FOXN4: variants seen among roughly 807,000 people sequenced by gnomAD.
FOXN4 encodes the protein forkhead box N4, also known as forkhead box protein N4.
In FOXN4, 12 loss-of-function variants were observed where a neutral mutation model predicts 45.0. That is an observed-to-expected ratio of 0.27 (90% confidence interval 0.17 to 0.43). FOXN4 has a LOEUF of 0.43. FOXN4 is among the 20% of genes least tolerant of loss of function. The pLI, the probability that FOXN4 is intolerant of heterozygous loss-of-function variation, is 1.00. For synonymous variants in FOXN4, 297 were observed against 295.0 expected (o/e 1.01, Z -0.07); for missense variants, 560 against 694.9 (o/e 0.81, Z 2.18).
intron 2 of FOXN4, among the ~76,000 whole-genome samples, chr12:109,306,400 G>A (rs1280799116): frequency 6.6e-6 from 1 of 152,162 alleles, no homozygotes; most frequent in Non-Finnish European, 1.5e-5. Context: ...CTCACTCTCT[G>A]ACTCCCCTAT....
At chr12:109,304,428 G>T (rs1225109333) in intron 2 of FOXN4, among the ~76,000 whole-genome samples, 1 of 152,200 alleles carries the variant, frequency 6.6e-6, no homozygotes, top group Admixed American at 6.5e-5. Flanking sequence ...GCACCTCTAA[G>T]GGTGGACTTT....
chr12:109,288,085 G>T lies in FOXN4; in HGVS notation c.328C>A (p.Leu110Met), dbSNP rs1267887286. The change falls in exon 4 of 10, where the codon CTG (leucine) becomes ATG (methionine). Residue 110 changes from leucine to methionine, a missense_variant. Transcript: ENST00000299162. The surrounding 1 kb of genome is among the most constrained non-coding windows in gnomAD (Gnocchi z 4.3). The stretch of plus-strand genomic sequence containing the variant: ...TCTCTGTGGCCAGTTATGGGGCCCA[G>T]ACCTGGCATGCCTCGGGGGGCCATG... ...AGMAPRGMPG[L>M]GPITGHRDSM... 1.3e-6 allele frequency: 2 copies of T among 1,548,972 alleles called. No individual in the cohort carries two copies. The highest frequency in any genetic ancestry group is 2.7e-5 in the African/African-American group (2 of 72,950).
chr12:109,308,666 C>G (rs1308475379), intron 1 of FOXN4, among the ~76,000 whole-genome samples: 1 of 152,096 alleles, frequency 6.6e-6, no homozygotes, highest in Non-Finnish European at 1.5e-5. Context: ...TCCTTCCAAG[C>G]CTTATATTTT....
At chr12:109,295,929 T>C (rs959433708) in intron 2 of FOXN4, among the ~76,000 whole-genome samples, 3 of 152,164 alleles carry the variant, frequency 2.0e-5, no homozygotes, top group Non-Finnish European at 2.9e-5. Flanking sequence ...TCAGGTTTGG[T>C]GGCATCTGAT....
At chr12:109,304,860 C>A (rs1204861851) in intron 2 of FOXN4, among the ~76,000 whole-genome samples, 2 of 152,178 alleles carry the variant, frequency 1.3e-5, no homozygotes, top group Admixed American at 1.3e-4. Context: ...AGTGGGAAGT[C>A]ACTGTGTAAT....
At chr12:109,296,082 G>A (rs73401962) in intron 2 of FOXN4, among the ~76,000 whole-genome samples, 3,033 of 152,248 alleles carry the variant, frequency 0.02, 96 homozygotes, top group African/African-American at 0.066. Context: ...CAGGGTCCCC[G>A]ATCTCCCATG....
In FOXN4 at chr12:109,287,809, C is replaced by A; in HGVS notation, c.468+35G>T. 6.6e-7 allele frequency: 1 copy of A among 1,514,890 alleles called. No individual in the cohort carries two copies. 93.8% of individuals were successfully genotyped at this position (1,514,890 alleles called of 1,614,324 possible). ...CGGCCAGCCCAAGGCAGGGTGTCTG[C>A]TGCTCAGTCCAGGGCTCCCCTGAGC... On this transcript the variant is annotated intron_variant, in intron 5 of 9. Transcript: ENST00000299162. This position sits in a 1 kb window ranked among gnomAD's most constrained non-coding sequence, Gnocchi z 4.1.
In FOXN4 at chr12:109,285,317, AC is replaced by A; in HGVS notation, c.887del (p.Ser296IlefsTer11). On this transcript the variant is annotated frameshift_variant, in exon 8 of 10. Coordinates refer to ENST00000299162, the MANE Select transcript of FOXN4 (RefSeq NM_213596.3). LOFTEE classifies it high-confidence loss of function. ...KRKDLAAIHRSMANPEELDKL... is the reference protein window; with the variant it reads ...KRKDLAAIHRXMANPEELDKL... ...TCCGGCCCTCACCAGGGTTGGCCAT[AC>A]TCCGGTGGATGGCAGCCAGGTCCTT... 2 of 1,547,674 alleles carry A rather than the reference AC, an allele frequency of 1.3e-6. No homozygotes were observed. Among genetic ancestry groups the A allele is most frequent in the Non-Finnish European group, 1.7e-6 (2 of 1,150,076 alleles).
chr12:109,286,768 GCAGGGCAGGGCAGGACAGGGCAGGC>G, intron 6 of FOXN4, 24 bp from the exon 7 acceptor site: 9 of 1,571,156 alleles, frequency 5.7e-6, no homozygotes, highest in South Asian at 2.2e-5. Context: ...GTGGGGCAGG[GCAGGGCAGGGCAGGACAGGGCAGGC>G]CAGGCATGAA....
Position 109,286,807 on chromosome 12 carries a change from G to GTCTC in FOXN4, c.597-67_597-64dup, listed in dbSNP as rs2047716870. The GTCTC allele has an allele frequency of 2.0e-6, 3 of 1,534,248 alleles. No individual in the cohort carries two copies. The East Asian group carries it at 7.0e-5, about 36-fold the overall frequency. ...GACAGGGCAGGCCAGGCATGAAAGG[G>GTCTC]TCTCAGGCTGACAGCCCAATGCCGC... On this transcript the variant is annotated intron_variant, in intron 6 of 9. Transcript: ENST00000299162.
chr12:109,304,292 A>AG (rs1306808407), intron 2 of FOXN4, among the ~76,000 whole-genome samples: 1 of 45,544 alleles, frequency 2.2e-5, no homozygotes, highest in South Asian at 5.1e-4. Context: ...AGAAAGAAAG[A>AG]AAGGAGAAAG....
rs1219674935 is a variant in FOXN4 at position 109,287,821 on chromosome 12, G to A, written c.468+23C>T. ...GGCAGGGTGTCTGCTGCTCAGTCCA[G>A]GGCTCCCCTGAGCCCTTGGTACCTG... On this transcript the variant is annotated intron_variant, in intron 5 of 9. Coordinates refer to ENST00000299162, the MANE Select transcript of FOXN4 (RefSeq NM_213596.3). The surrounding 1 kb of genome is among the most constrained non-coding windows in gnomAD (Gnocchi z 4.1). The A allele has an allele frequency of 6.5e-7, 1 of 1,541,894 alleles. No homozygotes were observed. The highest frequency in any genetic ancestry group is 2.0e-5 in the Admixed American group (1 of 49,468).
intron 1 of FOXN4, among the ~76,000 whole-genome samples, chr12:109,308,623 T>A (rs988380973): frequency 1.3e-5 from 2 of 152,156 alleles, no homozygotes; most frequent in Non-Finnish European, 2.9e-5. Context: ...CTGGAAAATG[T>A]GGACTCACAA....
intron 8 of FOXN4, 119 bp from the exon 9 acceptor site, chr12:109,281,918 C>G (rs1246259410): frequency 1.7e-6 from 2 of 1,181,636 alleles, no homozygotes; most frequent in East Asian, 5.2e-5. Context: ...CTCTTGGACA[C>G]TCAGAACCTC....
Position 109,288,250 on chromosome 12 carries a change from G to A in FOXN4, c.233-70C>T. On this transcript the variant is annotated intron_variant, in intron 3 of 9. Transcript: ENST00000299162. This position sits in a 1 kb window ranked among gnomAD's most constrained non-coding sequence, Gnocchi z 4.3. ...TGGCTGCCACCAGGAACAGCCCAGTGCCCAGGTGTCTCCGGAGAACGGAGC... is the reference window on the plus strand; with the variant it reads ...TGGCTGCCACCAGGAACAGCCCAGTACCCAGGTGTCTCCGGAGAACGGAGC... The A allele has an allele frequency of 6.6e-7, 1 of 1,506,476 alleles. No individual in the cohort carries two copies. The highest frequency in any genetic ancestry group is 2.0e-4 in the Middle Eastern group (1 of 5,122). The allele number at this position is 1,506,476 out of a possible 1,614,324, so 93.3% of individuals were successfully genotyped here.
chr12:109,284,493 G>A (rs1484993876), intron 8 of FOXN4, among the ~76,000 whole-genome samples: 3 of 151,480 alleles, frequency 2.0e-5, no homozygotes, highest in Non-Finnish European at 2.9e-5. Flanking sequence ...GGGGCTGCCC[G>A]GGCCTCTTGG....
chr12:109,301,218 T>C lies in FOXN4; in HGVS notation c.86+7018A>G, dbSNP rs1476062710. Among the ~76,000 whole-genome samples the C allele has an allele frequency of 2.6e-5, 4 of 152,300 alleles. No homozygotes were observed. The East Asian group carries it at 7.7e-4, about 29-fold the overall frequency. On this transcript the variant is annotated intron_variant, in intron 2 of 9. Transcript: ENST00000299162. ...GGGAAGTCTTGGGAAGATAACTCAA[T>C]GCCCTTTGAACCCCAGCATCCTCGT...
intron 2 of FOXN4, among the ~76,000 whole-genome samples, chr12:109,296,803 T>C (rs1449579595): frequency 1.3e-5 from 2 of 152,210 alleles, no homozygotes; most frequent in Non-Finnish European, 2.9e-5. Flanking sequence ...CCCAGCATTC[T>C]GGTTGCTCCA....
intron 2 of FOXN4, among the ~76,000 whole-genome samples, chr12:109,300,809 T>G (rs761141602): frequency 2.0e-5 from 3 of 152,106 alleles, no homozygotes; most frequent in Non-Finnish European, 4.4e-5. Context: ...CTTAGGAGGC[T>G]GAGGCAGGAG....
Sources: allele counts gnomAD v4.1 joint callset (sites outside exome capture counted in the v4.1 genomes callset), GRCh38; gene constraint gnomAD v4.1.1; non-coding constraint Gnocchi (gnomAD v3.1); transcripts MANE v1.5; gene names NCBI Gene and HGNC (gene_info 2026-07-23, HGNC 2026-07-21).